CFAP58: variants seen among roughly 807,000 people sequenced by gnomAD.
CFAP58 encodes the protein cilia and flagella associated protein 58.
CFAP58 carries 88 observed loss-of-function variants against 119.5 expected under a neutral mutation model. The ratio of observed to expected loss-of-function variants is 0.74; its 90% CI spans 0.62 to 0.88. The LOEUF (loss-of-function observed/expected upper bound fraction) is 0.88. Ranked by LOEUF, CFAP58 falls within the 40% of genes least tolerant of loss-of-function variation. The pLI is 0.00. For missense variants in CFAP58, 990 were observed against 1,021.2 expected, an observed-to-expected ratio of 0.97 and a Z score of 0.42; for synonymous variants, 365 against 366.3, an observed-to-expected ratio of 1.00 and a Z score of 0.04.
In CFAP58 at chr10:104,454,645, A is replaced by C. The variant is rs2013252121; in HGVS notation, c.*115A>C. On this transcript the variant is annotated 3_prime_UTR_variant, in exon 18 of 18. Transcript: ENST00000369704. ...ACTGAGTGCTGAGAATCCAGGATGG[A>C]AAGAAATGCAGAACTATCATAGTCA... 1 of 738,052 alleles carries C rather than the reference A, an allele frequency of 1.4e-6. No individual in the cohort carries two copies. Among genetic ancestry groups the C allele is most frequent in the African/African-American group, 1.8e-5 (1 of 56,430 alleles). The allele number at this position is 738,052 out of a possible 1,614,324, so 45.7% of individuals were successfully genotyped here.
intron 9 of CFAP58, 116 bp downstream of exon 9, chr10:104,380,336 T>G (rs2011763788): frequency 3.8e-6 from 4 of 1,058,864 alleles, no homozygotes; most frequent in Non-Finnish European, 5.5e-6. Flanking sequence ...GTAATTTGTG[T>G]GAAGATTTGG....
intron 9 of CFAP58, among the ~76,000 whole-genome samples, chr10:104,387,308 C>T (rs2011943977): frequency 6.6e-6 from 1 of 152,190 alleles, no homozygotes; most frequent in South Asian, 2.1e-4. Context: ...GGATTGGGCT[C>T]AGTTCTGGAC....
intron 15 of CFAP58, among the ~76,000 whole-genome samples, chr10:104,434,694 AT>A (rs2133083134): frequency 6.6e-6 from 1 of 152,350 alleles, no homozygotes; most frequent in South Asian, 2.1e-4. Context: ...GTGATAGACC[AT>A]TACTGGTGAT....
rs1047674872 is a variant in CFAP58 at position 104,393,357 on chromosome 10, T to C, written c.1556T>C (p.Leu519Ser). 5.0e-6 allele frequency: 8 copies of C among 1,613,836 alleles called. No individual in the cohort carries two copies. The highest frequency in any genetic ancestry group is 2.2e-5 in the East Asian group (1 of 44,870). ...QDEITDMKRK[L>S]KIMIHQVDEL... Reference sequence around the variant, plus strand: ...GAAATAACAGATATGAAGAGAAAGTTAAAGATTATGATCCATCAGGTAGAT... The same window carrying C: ...GAAATAACAGATATGAAGAGAAAGTCAAAGATTATGATCCATCAGGTAGAT... The change falls in exon 11 of 18, where the codon TTA becomes TCA. Residue 519 changes from leucine to serine, a missense_variant. Coordinates refer to ENST00000369704, the MANE Select transcript of CFAP58 (RefSeq NM_001008723.2).
At position 104,454,525 on chromosome 10, in the gene CFAP58, T is replaced by C. The variant is rs2013249917; in HGVS notation, c.2614T>C (p.Phe872Leu). Residue 872 changes from phenylalanine (F) to leucine (L), a missense_variant, in exon 18 of 18, where the codon TTC (phenylalanine) becomes CTC (leucine). By Grantham distance (22) the Phe-to-Leu change is conservative (BLOSUM62 0). Transcript: ENST00000369704. The part of the protein sequence containing the change: ...GFPLRSTKMT[F>L] ...TCCTCTCAGGTCAACCAAAATGACG[T>C]TCTAACCTGAAGCTGCTGGCTGTTT... 6.2e-7 allele frequency: 1 copy of C among 1,611,468 alleles called. No homozygotes were observed. Among genetic ancestry groups the C allele is most frequent in the Admixed American group, 1.7e-5 (1 of 59,912 alleles).
At chr10:104,395,868 T>A (rs2012142464) in intron 11 of CFAP58, among the ~76,000 whole-genome samples, 3 of 152,168 alleles carry the variant, frequency 2.0e-5, no homozygotes, top group African/African-American at 7.2e-5. Flanking sequence ...ACAGGACAAT[T>A]CAATTTATGA....
At chr10:104,453,330 G>C (rs1365734669) in intron 17 of CFAP58, among the ~76,000 whole-genome samples, 1 of 152,126 alleles carries the variant, frequency 6.6e-6, no homozygotes, top group African/African-American at 2.4e-5. Flanking sequence ...GAGACAGATG[G>C]GTTGGTTACC....
chr10:104,379,294 A>G (rs1294980308), intron 8 of CFAP58, among the ~76,000 whole-genome samples: 1 of 152,182 alleles, frequency 6.6e-6, no homozygotes, highest in East Asian at 1.9e-4. Context: ...GGCATGTTTC[A>G]TTCAGAACAG....
intron 7 of CFAP58, among the ~76,000 whole-genome samples, chr10:104,372,440 AAAT>A (rs1460665928): frequency 4.6e-5 from 7 of 152,208 alleles, no homozygotes; most frequent in African/African-American, 1.7e-4. Flanking sequence ...AGACATCAAG[AAAT>A]AATGTTTTAT....
At position 104,368,414 on chromosome 10, in the gene CFAP58, C is replaced by T. The variant is rs754498038; in HGVS notation, c.793-9C>T. 3.7e-6 allele frequency: 6 copies of T among 1,613,266 alleles called. No individual in the cohort carries two copies. The highest frequency in any genetic ancestry group is 1.1e-5 in the South Asian group (1 of 91,056). On this transcript the variant is annotated splice_polypyrimidine_tract_variant and intron_variant, in intron 5 of 17. Coordinates refer to ENST00000369704, the MANE Select transcript of CFAP58 (RefSeq NM_001008723.2). Reference sequence around the variant, plus strand: ...AAAAGCATTAACCAGCTCATTCCATCCCTTTCAGATATTGAATGAGAGAGC... The same window carrying T: ...AAAAGCATTAACCAGCTCATTCCATTCCTTTCAGATATTGAATGAGAGAGC...
Position 104,365,891 on chromosome 10 carries a change from C to T in CFAP58, c.675C>T (p.Leu225=). The T allele has an allele frequency of 6.2e-7, 1 of 1,613,404 alleles. No individual in the cohort carries two copies. Among genetic ancestry groups the T allele is most frequent in the Non-Finnish European group, 8.5e-7 (1 of 1,179,750 alleles). Reference sequence around the variant, plus strand: ...AGAAGGAAAAACTAGAGAAAGAGCTCAAGCAGATTCAGGCAGACATGGACA... The same window carrying T: ...AGAAGGAAAAACTAGAGAAAGAGCTTAAGCAGATTCAGGCAGACATGGACA... ...FRKKEKLEKE[L]KQIQADMDSR... Residue 225 remains leucine, a synonymous_variant, in exon 5 of 18, where the codon CTC becomes CTT. Transcript: ENST00000369704.
chr10:104,438,622 A>G (rs11192055), intron 15 of CFAP58, among the ~76,000 whole-genome samples: 9 of 151,094 alleles, frequency 6.0e-5, no homozygotes, highest in African/African-American at 1.9e-4. Context: ...TGATCCACCC[A>G]CCTCGGCCTC....
At chr10:104,376,712 A>G in intron 7 of CFAP58, 99 bp from the exon 8 acceptor site, 1 of 848,000 alleles carries the variant, frequency 1.2e-6, no homozygotes, top group South Asian at 1.5e-5. Context: ...TTATAGCTAG[A>G]GACAAACATG....
At position 104,403,737 on chromosome 10, in the gene CFAP58, T is replaced by G. The variant is rs372130100; in HGVS notation, c.2048T>G (p.Phe683Cys). 1.2e-6 allele frequency: 2 copies of G among 1,608,616 alleles called. No individual in the cohort carries two copies. The highest frequency in any genetic ancestry group is 2.7e-5 in the African/African-American group (2 of 74,716). Residue 683 changes from phenylalanine to cysteine, a missense_variant, in exon 14 of 18, where the codon TTT becomes TGT. Phe to Cys is a radical substitution (Grantham distance 205). Transcript: ENST00000369704. Reference sequence around the variant, plus strand: ...AAGTTTGTCTTATTCAGACAGGAGTTTTTTCACATGCAAAGAGAATTGTTG... The same window carrying G: ...AAGTTTGTCTTATTCAGACAGGAGTGTTTTCACATGCAAAGAGAATTGTTG... ...MANVEELRQE[F>C]FHMQRELLKE...
chr10:104,380,258 A>G (rs2011758562), intron 9 of CFAP58, 38 bp downstream of exon 9: 1 of 1,544,548 alleles, frequency 6.5e-7, no homozygotes, highest in Non-Finnish European at 8.9e-7. Context: ...GAGCAGAGGC[A>G]CATTCCTTCC....
intron 15 of CFAP58, among the ~76,000 whole-genome samples, chr10:104,407,895 C>T (rs1365106340): frequency 6.6e-6 from 1 of 152,124 alleles, no homozygotes; most frequent in Admixed American, 6.5e-5. Flanking sequence ...TGGGGTTTCA[C>T]CATGTTGGCC....
chr10:104,448,578 C>A (rs1223826702), intron 16 of CFAP58, among the ~76,000 whole-genome samples: 1 of 152,150 alleles, frequency 6.6e-6, no homozygotes, highest in Non-Finnish European at 1.5e-5. Context: ...CACTTCCTGC[C>A]CAATGAGGGT....
chr10:104,384,256 C>T (rs2011878574), intron 9 of CFAP58, among the ~76,000 whole-genome samples: 1 of 152,346 alleles, frequency 6.6e-6, no homozygotes, highest in Admixed American at 6.5e-5. Flanking sequence ...CCTAATTTGG[C>T]TCCTCCAATA....
intron 8 of CFAP58, among the ~76,000 whole-genome samples, chr10:104,379,640 A>C (rs1191875138): frequency 6.6e-6 from 1 of 152,202 alleles, no homozygotes; most frequent in African/African-American, 2.4e-5. Flanking sequence ...TCACAAGATA[A>C]AGGCTAGAAC....
Sources: allele counts gnomAD v4.1 joint callset (sites outside exome capture counted in the v4.1 genomes callset), GRCh38; gene constraint gnomAD v4.1.1; transcripts MANE v1.5; gene names NCBI Gene and HGNC (gene_info 2026-07-23, HGNC 2026-07-21).